Variants in SCFD2 observed in about 807,000 individuals in gnomAD.
SCFD2 encodes the protein sec1 family domain-containing protein 2.
Under a neutral mutation model 58.9 loss-of-function variants are expected in SCFD2, and 54 were observed. The ratio of observed to expected loss-of-function variants is 0.92; its 90% confidence interval spans 0.74 to 1.15. The LOEUF is 1.15. Ranked by LOEUF, SCFD2 falls within the 50% of genes most tolerant of loss-of-function variation. SCFD2 has a pLI of 0.00. For synonymous variants in SCFD2, 321 were observed against 335.9 expected, an observed-to-expected ratio of 0.96 and a Z score of 0.49; for missense variants, 805 against 836.6, an observed-to-expected ratio of 0.96 and a Z score of 0.47.
chr4:52,989,833 C>A (rs1721579248), intron 5 of SCFD2, among the ~76,000 whole-genome samples: 1 of 152,136 alleles, frequency 6.6e-6, no homozygotes, highest in Non-Finnish European at 1.5e-5. Context: ...GATGCCCCCT[C>A]CCACCATCTC....
At chr4:52,900,622 C>G (rs1008695108) in intron 7 of SCFD2, among the ~76,000 whole-genome samples, 2 of 152,210 alleles carry the variant, frequency 1.3e-5, no homozygotes, top group African/African-American at 4.8e-5. Flanking sequence ...TGCCGGTTCT[C>G]AGATCTCAAG....
intron 5 of SCFD2, among the ~76,000 whole-genome samples, chr4:53,022,268 T>C (rs1265405334): frequency 6.6e-6 from 1 of 152,180 alleles, no homozygotes; most frequent in Non-Finnish European, 1.5e-5. Flanking sequence ...TACTTTTAAA[T>C]TGATAGTGAC....
chr4:53,235,240 C>T (rs1227737131), intron 4 of SCFD2, among the ~76,000 whole-genome samples: 2 of 152,184 alleles, frequency 1.3e-5, no homozygotes, highest in Non-Finnish European at 2.9e-5. Context: ...ATGTGCTATG[C>T]AAAAAGGTGA....
At chr4:53,248,647 C>T (rs1475601755) in intron 4 of SCFD2, among the ~76,000 whole-genome samples, 11 of 152,204 alleles carry the variant, frequency 7.2e-5, no homozygotes, top group Non-Finnish European at 1.6e-4. Context: ...TGGGAGACAC[C>T]CCCCAGTAGG....
chr4:53,292,032 G>C (rs1210449011), intron 3 of SCFD2, among the ~76,000 whole-genome samples: 1 of 151,572 alleles, frequency 6.6e-6, no homozygotes, highest in African/African-American at 2.4e-5. Flanking sequence ...AATTCAAAAT[G>C]AATTAAAGAC....
At chr4:53,012,058 T>C (rs1722105006) in intron 5 of SCFD2, among the ~76,000 whole-genome samples, 2 of 149,148 alleles carry the variant, frequency 1.3e-5, no homozygotes, top group South Asian at 2.1e-4. Context: ...TTGAGAGGAC[T>C]CCATCCCCCT....
At chr4:53,225,932 G>A (rs7680607) in intron 4 of SCFD2, among the ~76,000 whole-genome samples, 13,132 of 151,926 alleles carry the variant, frequency 0.086, 958 homozygotes, top group African/African-American at 0.18. Context: ...AATATTTTCC[G>A]GTAGTTTACT....
chr4:53,188,721 G>A (rs1727808994), intron 4 of SCFD2, among the ~76,000 whole-genome samples: 1 of 152,066 alleles, frequency 6.6e-6, no homozygotes, highest in African/African-American at 2.4e-5. Flanking sequence ...AAACCAATGA[G>A]AGAATAGACC....
chr4:53,353,981 T>C (rs193119497), intron 1 of SCFD2, among the ~76,000 whole-genome samples: 79 of 152,374 alleles, frequency 5.2e-4, no homozygotes, highest in African/African-American at 1.8e-3. Flanking sequence ...ATAAAAGTTC[T>C]CTAAGTCCCC....
chr4:53,338,392 A>G (rs1406990012), intron 2 of SCFD2, among the ~76,000 whole-genome samples: 1 of 151,988 alleles, frequency 6.6e-6, no homozygotes, highest in African/African-American at 2.4e-5. Context: ...CCCCAAACAG[A>G]ATAAACCCAA....
intron 5 of SCFD2, among the ~76,000 whole-genome samples, chr4:52,992,950 G>C (rs987145914): frequency 7.1e-4 from 105 of 148,310 alleles, no homozygotes; most frequent in African/African-American, 2.3e-3. Flanking sequence ...TTGTCGAATA[G>C]AAAAGGGGGA....
intron 3 of SCFD2, among the ~76,000 whole-genome samples, chr4:53,280,830 G>A (rs1366387366): frequency 6.6e-6 from 1 of 152,094 alleles, no homozygotes; most frequent in Non-Finnish European, 1.5e-5. Context: ...TGGTTTATTA[G>A]TTCATACACA....
chr4:53,007,567 CTTA>C (rs1223006250), intron 5 of SCFD2, among the ~76,000 whole-genome samples: 1 of 152,070 alleles, frequency 6.6e-6, no homozygotes. Context: ...AGCTCAAGCA[CTTA>C]TTATAGGTAT....
chr4:53,259,461 T>C (rs536613651), intron 4 of SCFD2, among the ~76,000 whole-genome samples: 1 of 152,328 alleles, frequency 6.6e-6, no homozygotes, highest in South Asian at 2.1e-4. Flanking sequence ...CCCAGCACCA[T>C]TTGTTGAATA....
At position 53,223,214 on chromosome 4, in the gene SCFD2, C is replaced by T. The variant is rs531699174; in HGVS notation, c.1311+50612G>A. Among the ~76,000 whole-genome samples, 107 of 152,088 alleles carry T rather than the reference C, an allele frequency of 7.0e-4. 2 individuals are homozygous for T. The highest frequency in any genetic ancestry group is 5.7e-3 in the Admixed American group (87 of 15,270). On this transcript the variant is annotated intron_variant, in intron 4 of 8. Coordinates refer to ENST00000401642, the MANE Select transcript of SCFD2 (RefSeq NM_152540.4). The stretch of plus-strand genomic sequence containing the variant: ...TTTTTTAGTTTGAAAGGAAATTTAC[C>T]CATATGTAATTTATTACTTAGTCTG...
chr4:53,081,777 C>T (rs1164809610), intron 5 of SCFD2, among the ~76,000 whole-genome samples: 2 of 152,066 alleles, frequency 1.3e-5, no homozygotes, highest in Non-Finnish European at 2.9e-5. Flanking sequence ...AATTCCAGAG[C>T]ACTGAAATCA....
chr4:53,101,288 T>C (rs913011419), intron 5 of SCFD2, among the ~76,000 whole-genome samples: 5 of 152,170 alleles, frequency 3.3e-5, no homozygotes, highest in African/African-American at 1.2e-4. Context: ...TTGGGGCTTC[T>C]CTCTGGTCCT....
At chr4:52,960,504 G>A (rs547195304) in intron 5 of SCFD2, among the ~76,000 whole-genome samples, 1 of 152,038 alleles carries the variant, frequency 6.6e-6, no homozygotes, top group African/African-American at 2.4e-5. Flanking sequence ...GAGTAGCTAG[G>A]ATTATAGGCA....
chr4:53,202,497 T>C (rs1298994874), intron 4 of SCFD2, among the ~76,000 whole-genome samples: 1 of 151,082 alleles, frequency 6.6e-6, no homozygotes, highest in African/African-American at 2.4e-5. Context: ...TAGGATTGAC[T>C]TGGCAATGCA....
Sources: allele counts gnomAD v4.1 joint callset (sites outside exome capture counted in the v4.1 genomes callset), GRCh38; gene constraint gnomAD v4.1.1; transcripts MANE v1.5; gene names NCBI Gene and HGNC (gene_info 2026-07-23, HGNC 2026-07-21).